The following XPR1 variants were observed in gnomAD, a reference collection of about 807,000 sequenced individuals.
XPR1 encodes the protein xenotropic and polytropic retrovirus receptor 1, also known as solute carrier family 53 member 1.
XPR1 carries 28 observed loss-of-function variants against 87.5 expected under a neutral mutation model. The observed-to-expected ratio is 0.32, with a 90% CI of 0.24 to 0.44. The LOEUF is 0.44. Ranked by LOEUF, XPR1 falls within the 20% of genes least tolerant of loss-of-function variation. The probability of loss-of-function intolerance (pLI) is 1.00; values close to 1 mark genes in which losing one functional copy is unlikely to be tolerated. For missense variants in XPR1, 559 were observed against 862.3 expected (o/e 0.65, Z 4.41); for synonymous variants, 300 against 306.1 (o/e 0.98, Z 0.21).
At chr1:180,634,206 G>T (rs1654690544) in intron 1 of XPR1, among the ~76,000 whole-genome samples, 1 of 152,158 alleles carries the variant, frequency 6.6e-6, no homozygotes, top group Non-Finnish European at 1.5e-5. Flanking sequence ...AGATTATGTT[G>T]TGTCTGCATT....
At chr1:180,672,945 A>G (rs978641318) in intron 1 of XPR1, among the ~76,000 whole-genome samples, 2 of 152,116 alleles carry the variant, frequency 1.3e-5, no homozygotes, top group African/African-American at 2.4e-5. Context: ...CTTTCTCTTC[A>G]TATGCTTTTC....
intron 3 of XPR1, among the ~76,000 whole-genome samples, chr1:180,799,610 G>A (rs528258514): frequency 6.6e-6 from 1 of 152,268 alleles, no homozygotes; most frequent in East Asian, 1.9e-4. Flanking sequence ...CATTATGGGT[G>A]GAGAAGGTAC....
intron 2 of XPR1, among the ~76,000 whole-genome samples, chr1:180,758,018 T>C (rs183877847): frequency 1.3e-5 from 2 of 151,422 alleles, no homozygotes; most frequent in Admixed American, 1.3e-4. Context: ...AAATGTGAAA[T>C]GTCTTACAGA....
chr1:180,699,406 T>G (rs1200793399), intron 2 of XPR1, among the ~76,000 whole-genome samples: 1 of 111,580 alleles, frequency 9.0e-6, no homozygotes, highest in African/African-American at 3.5e-5. Context: ...GATATTCCCC[T>G]TCCTGTGTCC....
At chr1:180,853,041 A>G (rs1253881783) in intron 11 of XPR1, among the ~76,000 whole-genome samples, 1 of 151,882 alleles carries the variant, frequency 6.6e-6, no homozygotes, top group East Asian at 1.9e-4. Context: ...AGCACTTCTC[A>G]TGCCTCAGCC....
chr1:180,679,901 A>G (rs529554455), intron 1 of XPR1, among the ~76,000 whole-genome samples: 191 of 152,316 alleles, frequency 1.3e-3, no homozygotes, highest in African/African-American at 4.4e-3. Flanking sequence ...GGTTTATGTC[A>G]AACTACAAAG....
At chr1:180,866,811 AT>A (rs71121055) in intron 12 of XPR1, among the ~76,000 whole-genome samples, 49,510 of 140,732 alleles carry the variant, frequency 0.35, 8,657 homozygotes, top group East Asian at 0.51. Context: ...TTTTTTTTTA[AT>A]TTTTTTTTTT....
chr1:180,803,526 A>G lies in XPR1; in HGVS notation c.362A>G (p.Glu121Gly). The change falls in exon 4 of 15, where the codon GAA (glutamate) becomes GGA (glycine). Residue 121 changes from glutamate to glycine, a missense_variant. Physicochemically the swap from Glu to Gly is moderately conservative, Grantham distance 98. This residue lies in a region of XPR1 where 159 missense variants were observed against 263.3 expected (regional missense o/e 0.60). Transcript: ENST00000367590. ...RKPVFHLSHE[E>G]RVQHRNIKDL... is the part of the protein sequence containing the mutation. Reference sequence around the variant, plus strand: ...CCAGTCTTCCACTTGTCCCATGAGGAACGTGTCCAACATAGAAATATTAAA... The same window carrying G: ...CCAGTCTTCCACTTGTCCCATGAGGGACGTGTCCAACATAGAAATATTAAA... 1 of 1,613,856 alleles carries G rather than the reference A, an allele frequency of 6.2e-7. No individual in the cohort carries two copies. The highest frequency in any genetic ancestry group is 8.5e-7 in the Non-Finnish European group (1 of 1,179,988).
At chr1:180,832,456 T>A (rs1245339228) in intron 9 of XPR1, among the ~76,000 whole-genome samples, 1 of 152,240 alleles carries the variant, frequency 6.6e-6, no homozygotes, top group Non-Finnish European at 1.5e-5. Context: ...AGTCATGAAG[T>A]CTTTGCTCAT....
intron 3 of XPR1, among the ~76,000 whole-genome samples, chr1:180,801,992 C>T (rs1316162129): frequency 1.3e-5 from 2 of 151,984 alleles, no homozygotes; most frequent in Non-Finnish European, 2.9e-5. Flanking sequence ...GACAGGGTTT[C>T]ACCATGTTGG....
At chr1:180,811,531 G>T in intron 7 of XPR1, 43 bp downstream of exon 7, 1 of 1,501,990 alleles carries the variant, frequency 6.7e-7, no homozygotes, top group Non-Finnish European at 9.2e-7. Flanking sequence ...TTACCAATAT[G>T]CCTGTGTCAT....
intron 2 of XPR1, among the ~76,000 whole-genome samples, chr1:180,698,943 CTT>C (rs138874968): frequency 0.22 from 33,670 of 151,910 alleles, 3,840 homozygotes; most frequent in Middle Eastern, 0.28. Context: ...AGAATTCTCT[CTT>C]TGTCTTTGAC....
intron 2 of XPR1, among the ~76,000 whole-genome samples, chr1:180,692,567 G>A (rs944361694): frequency 1.3e-5 from 2 of 152,044 alleles, no homozygotes; most frequent in African/African-American, 4.8e-5. Flanking sequence ...ATATTCATTT[G>A]TATTATGAAA....
chr1:180,639,951 C>G (rs1654914298), intron 1 of XPR1, among the ~76,000 whole-genome samples: 1 of 152,144 alleles, frequency 6.6e-6, no homozygotes, highest in Non-Finnish European at 1.5e-5. Flanking sequence ...TAATTCTACT[C>G]TCCTTTCTTT....
At chr1:180,794,614 G>A (rs1003302404) in intron 3 of XPR1, among the ~76,000 whole-genome samples, 3 of 152,182 alleles carry the variant, frequency 2.0e-5, no homozygotes, top group African/African-American at 7.2e-5. Flanking sequence ...GAAGAAAGTG[G>A]GATTGAGGAA....
chr1:180,653,876 A>G (rs545613230), intron 1 of XPR1, among the ~76,000 whole-genome samples: 8 of 152,292 alleles, frequency 5.3e-5, no homozygotes, highest in Non-Finnish European at 1.0e-4. Context: ...GATATACTAC[A>G]TGCTACTCAG....
chr1:180,764,427 C>CT (rs1045779037), intron 2 of XPR1, among the ~76,000 whole-genome samples: 51 of 145,530 alleles, frequency 3.5e-4, no homozygotes, highest in South Asian at 1.1e-3. Flanking sequence ...AACCTGTAAT[C>CT]TTTTTTTTTT....
At chr1:180,758,103 ATATAGAAG>A (rs1647828184) in intron 2 of XPR1, among the ~76,000 whole-genome samples, 3 of 140,944 alleles carry the variant, frequency 2.1e-5, no homozygotes, top group Non-Finnish European at 4.6e-5. Flanking sequence ...ATATATGAAC[ATATAGAAG>A]GATACACACA....
intron 11 of XPR1, among the ~76,000 whole-genome samples, chr1:180,857,492 A>G (rs773090800): frequency 2.0e-5 from 3 of 152,108 alleles, no homozygotes; most frequent in Non-Finnish European, 4.4e-5. Flanking sequence ...AATGGTTTCT[A>G]TTCTGCTTGA....
Sources: allele counts gnomAD v4.1 joint callset (sites outside exome capture counted in the v4.1 genomes callset), GRCh38; gene constraint gnomAD v4.1.1; regional missense constraint gnomAD v4.1.1; transcripts MANE v1.5; gene names NCBI Gene and HGNC (gene_info 2026-07-23, HGNC 2026-07-21).